Variants in LOC128125822 observed in about 807,000 individuals in gnomAD.
the LOC128125822 span, among the ~76,000 whole-genome samples, chr6:63,576,037 A>G: frequency 6.6e-6 from 1 of 151,412 alleles, no homozygotes; most frequent in Non-Finnish European, 1.5e-5. Context: ...TGTAATTACA[A>G]TGTAAAGAAA....
Sources: allele counts gnomAD v4.1 joint callset (sites outside exome capture counted in the v4.1 genomes callset), GRCh38; gene constraint gnomAD v4.1.1; transcripts MANE v1.5.